SLC19A3: variants seen among roughly 807,000 people sequenced by gnomAD.
SLC19A3 encodes the protein solute carrier family 19 member 3.
In SLC19A3, 31 loss-of-function variants were observed where a neutral mutation model predicts 40.2. The observed-to-expected ratio is 0.77, with a 90% CI of 0.58 to 1.04. The LOEUF is 1.04. Among genes scored for constraint, SLC19A3 ranks in the 50% least tolerant of loss-of-function variants. The probability of loss-of-function intolerance (pLI) is 0.00; values close to 1 mark genes in which losing one functional copy is unlikely to be tolerated. For synonymous variants in SLC19A3, 212 were observed against 227.5 expected, an observed-to-expected ratio of 0.93 and a Z score of 0.61; for missense variants, 592 against 596.7, an observed-to-expected ratio of 0.99 and a Z score of 0.08.
At chr2:227,706,364 A>G in intron 1 of SLC19A3, 2 of 1,231,660 alleles carry the variant, frequency 1.6e-6, no homozygotes, top group Non-Finnish European at 1.0e-6. Flanking sequence ...GTGTGTTCCA[A>G]ATCACAAGAT....
In SLC19A3 at chr2:227,685,921, G is replaced by C. The variant is rs1694998280; in HGVS notation, c.*1476C>G. The C allele has an allele frequency of 6.0e-6, 1 of 165,356 alleles. No individual in the cohort carries two copies. The highest frequency in any genetic ancestry group is 6.4e-5 in the Admixed American group (1 of 15,704). The allele number at this position is 165,356 out of a possible 1,614,324, so 10.2% of individuals were successfully genotyped here. Reference sequence around the variant, plus strand: ...TTTAAAAATCAGGTGTTTTGGCCAGGCATGGTGGCTCACGCCTGTAATCTC... The same window carrying C: ...TTTAAAAATCAGGTGTTTTGGCCAGCCATGGTGGCTCACGCCTGTAATCTC... On this transcript the variant is annotated 3_prime_UTR_variant, in exon 6 of 6. Coordinates refer to ENST00000644224, the MANE Select transcript of SLC19A3 (RefSeq NM_025243.4).
chr2:227,688,381 G>A, intron 4 of SLC19A3, 74 bp from the exon 5 acceptor site: 2 of 1,419,488 alleles, frequency 1.4e-6, no homozygotes, highest in Non-Finnish European at 2.0e-6. Context: ...AGAACATATT[G>A]GCCACAGGGG....
rs1694972967 is a variant in SLC19A3 at position 227,685,251 on chromosome 2, T to C, written c.*2146A>G. ...GGGTTTAATTAGCTCACAGGCTATA[T>C]AGGAAGCGTGGCAACATCTGCTTCT... On this transcript the variant is annotated 3_prime_UTR_variant, in exon 6 of 6. Coordinates refer to ENST00000644224, the MANE Select transcript of SLC19A3 (RefSeq NM_025243.4). 1 of 152,186 alleles carries C rather than the reference T, an allele frequency of 6.6e-6. No individual in the cohort carries two copies. Among genetic ancestry groups the C allele is most frequent in the Admixed American group, 6.5e-5 (1 of 15,280 alleles). The allele number at this position is 152,186 out of a possible 1,614,324, so 9.4% of individuals were successfully genotyped here.
chr2:227,715,550 A>G (rs1349948448), intron 1 of SLC19A3, among the ~76,000 whole-genome samples: 4 of 152,064 alleles, frequency 2.6e-5, no homozygotes, highest in Non-Finnish European at 1.5e-5. Flanking sequence ...GATGCTTCAG[A>G]TTTTATTTTA....
intron 1 of SLC19A3, among the ~76,000 whole-genome samples, chr2:227,715,700 GA>G (rs1696311002): frequency 6.6e-6 from 1 of 152,088 alleles, no homozygotes; most frequent in Non-Finnish European, 1.5e-5. Flanking sequence ...ATATGCCTAA[GA>G]AAACCATAAA....
chr2:227,713,675 C>T (rs937330201), intron 1 of SLC19A3, among the ~76,000 whole-genome samples: 1 of 151,930 alleles, frequency 6.6e-6, no homozygotes, highest in African/African-American at 2.4e-5. Context: ...TTGGACTTCC[C>T]AGCCTCCATA....
At chr2:227,693,150 C>T (rs1400827931) in intron 4 of SLC19A3, among the ~76,000 whole-genome samples, 2 of 152,022 alleles carry the variant, frequency 1.3e-5, no homozygotes, top group African/African-American at 4.8e-5. Flanking sequence ...TCAATGCAAT[C>T]CCTATTAAAA....
chr2:227,712,947 A>G (rs10933204), intron 1 of SLC19A3, among the ~76,000 whole-genome samples: 74,439 of 151,936 alleles, frequency 0.49, 18,886 homozygotes, highest in East Asian at 0.89. Flanking sequence ...GCGCAGGGGA[A>G]CTTCCTGGGG....
At chr2:227,689,171 G>T (rs756872508) in intron 4 of SLC19A3, among the ~76,000 whole-genome samples, 1 of 152,036 alleles carries the variant, frequency 6.6e-6, no homozygotes, top group African/African-American at 2.4e-5. Flanking sequence ...TTAAAGAGGA[G>T]GTAAAGAAAT....
intron 2 of SLC19A3, chr2:227,701,710 G>C (rs1217445167): frequency 6.4e-6 from 1 of 155,252 alleles, no homozygotes. Context: ...TGGCATTCCA[G>C]AGAAGGAGGC....
intron 1 of SLC19A3, among the ~76,000 whole-genome samples, chr2:227,716,814 T>C (rs544463240): frequency 1.3e-5 from 2 of 152,224 alleles, no homozygotes; most frequent in East Asian, 3.9e-4. Flanking sequence ...CTATTAGCAA[T>C]AATGACTGAA....
At chr2:227,701,634 TTA>T (rs1491456991) in intron 2 of SLC19A3, 19 of 30,100 alleles carry the variant, frequency 6.3e-4, no homozygotes, top group African/African-American at 2.6e-3. Flanking sequence ...ACAAAAACAA[TTA>T]AAAAAAAAAA....
At chr2:227,708,121 C>T (rs1574575423) in intron 1 of SLC19A3, among the ~76,000 whole-genome samples, 1 of 152,166 alleles carries the variant, frequency 6.6e-6, no homozygotes, top group Admixed American at 6.5e-5. Flanking sequence ...TGGGGTGCCA[C>T]AGCCTTTTGA....
At chr2:227,716,329 G>A (rs763494004) in intron 1 of SLC19A3, among the ~76,000 whole-genome samples, 1 of 151,948 alleles carries the variant, frequency 6.6e-6, no homozygotes, top group East Asian at 1.9e-4. Flanking sequence ...GTTCTTCTTT[G>A]ATCTGGCTAC....
intron 2 of SLC19A3, 29 bp from the exon 3 acceptor site, chr2:227,699,593 G>A (rs186241831): frequency 5.2e-5 from 83 of 1,582,260 alleles, no homozygotes; most frequent in Middle Eastern, 3.3e-4. Context: ...GCATGACCAC[G>A]AAGCACCGGT....
intron 1 of SLC19A3, among the ~76,000 whole-genome samples, chr2:227,713,796 G>GAA (rs35746366): frequency 7.3e-5 from 11 of 150,132 alleles, no homozygotes; most frequent in South Asian, 4.2e-4. Flanking sequence ...AAGATGATTT[G>GAA]AAAAAAAAAC....
Position 227,699,609 on chromosome 2 carries a change from A to G in SLC19A3, c.151-45T>C. 4 of 1,526,034 alleles carry G rather than the reference A, an allele frequency of 2.6e-6. No individual in the cohort carries two copies. The South Asian group carries it at 4.5e-5, about 17-fold the overall frequency. 94.5% of individuals were successfully genotyped at this position (1,526,034 alleles called of 1,614,324 possible). A position where few individuals can be genotyped will look rare whatever the true frequency, so the allele number is the denominator to read the frequency against. ...CATGACCACGAAGCACCGGTACTTT[A>G]CTAAGGTACCTGTGGTTTGTATCTC... On this transcript the variant is annotated intron_variant, in intron 2 of 5. Coordinates refer to ENST00000644224, the MANE Select transcript of SLC19A3 (RefSeq NM_025243.4).
At chr2:227,713,146 T>C (rs1229803412) in intron 1 of SLC19A3, among the ~76,000 whole-genome samples, 2 of 152,160 alleles carry the variant, frequency 1.3e-5, no homozygotes, top group Non-Finnish European at 2.9e-5. Flanking sequence ...GGCTCACACC[T>C]ATAATCCCAG....
intron 4 of SLC19A3, among the ~76,000 whole-genome samples, chr2:227,692,783 T>C (rs1695282958): frequency 6.6e-6 from 1 of 152,342 alleles, no homozygotes; most frequent in Non-Finnish European, 1.5e-5. Flanking sequence ...GCAGACGATA[T>C]GATCTTACAT....
Sources: allele counts gnomAD v4.1 joint callset (sites outside exome capture counted in the v4.1 genomes callset), GRCh38; gene constraint gnomAD v4.1.1; transcripts MANE v1.5; gene names NCBI Gene and HGNC (gene_info 2026-07-23, HGNC 2026-07-21).